Variants in MEIG1 observed in about 807,000 individuals in gnomAD.
The protein encoded by MEIG1 is meiosis/spermiogenesis associated 1.
In MEIG1, 12 loss-of-function variants were observed where a neutral mutation model predicts 11.3. The ratio of observed to expected loss-of-function variants is 1.07; its 90% CI spans 0.68 to 1.73. The LOEUF (loss-of-function observed/expected upper bound fraction) is 1.73, where lower values mean the gene tolerates loss of function less well. Among genes scored for constraint, MEIG1 ranks in the 40% most tolerant of loss-of-function variants. MEIG1 has a pLI of 0.00. For missense variants in MEIG1, 119 were observed against 104.9 expected (o/e 1.13, Z -0.59); for synonymous variants, 41 against 33.2 (o/e 1.24, Z -0.81).
In MEIG1 at chr10:14,966,616, C is replaced by T; in HGVS notation, c.138+10C>T. On this transcript the variant is annotated intron_variant, in intron 2 of 2. Coordinates refer to ENST00000407572, the MANE Select transcript of MEIG1 (RefSeq NM_001080836.3). ...GAAACAAGTTTCTATGGTAAGATTT[C>T]TGTCTCTACAAACCTCAACTCGAAA... 1 of 1,606,152 alleles carries T rather than the reference C, an allele frequency of 6.2e-7. No homozygotes were observed. The highest frequency in any genetic ancestry group is 8.5e-7 in the Non-Finnish European group (1 of 1,177,184).
Position 14,981,429 on chromosome 10 carries a change from G to A in MEIG1, n.67-5367G>A, listed in dbSNP as rs148635055. Among the ~76,000 whole-genome samples the A allele has an allele frequency of 6.1e-3, 930 of 152,268 alleles. 13 individuals carry two copies. The highest frequency in any genetic ancestry group is 0.021 in the African/African-American group (886 of 41,560). On this transcript the variant is annotated intron_variant and non_coding_transcript_variant, in intron 1 of 2. Transcript: ENST00000467536. ...CTGGCATGTACAAAAACTGATGAATGACTTGATGTCCTCCTACAGTACAAG... is the reference window on the plus strand; with the variant it reads ...CTGGCATGTACAAAAACTGATGAATAACTTGATGTCCTCCTACAGTACAAG...
upstream of MEIG1, among the ~76,000 whole-genome samples, chr10:14,957,679 G>C (rs1842965796): frequency 6.6e-6 from 1 of 152,122 alleles, no homozygotes; most frequent in African/African-American, 2.4e-5. Flanking sequence ...CTATGCCCAG[G>C]CTGGAGTGCA....
At chr10:14,987,699 G>T (rs190513760) in intron 2 of MEIG1, 1 of 294,028 alleles carries the variant, frequency 3.4e-6, no homozygotes, top group Non-Finnish European at 6.4e-6. Flanking sequence ...CCAAAACGTC[G>T]TATATAACAA....
At chr10:14,957,139 A>T (rs1043809018), upstream of MEIG1, among the ~76,000 whole-genome samples, 2 of 152,218 alleles carry the variant, frequency 1.3e-5, no homozygotes, top group Non-Finnish European at 1.5e-5. Context: ...TCTACCATTT[A>T]TGTAGTTCCA....
downstream of MEIG1, among the ~76,000 whole-genome samples, chr10:14,974,173 C>A (rs1843186088): frequency 6.6e-6 from 1 of 152,102 alleles, no homozygotes; most frequent in Non-Finnish European, 1.5e-5. Flanking sequence ...CATGTGGGTC[C>A]ATCTGGGGGT....
upstream of MEIG1, among the ~76,000 whole-genome samples, chr10:14,956,728 G>C (rs139630290): frequency 6.6e-6 from 1 of 152,162 alleles, no homozygotes; most frequent in Admixed American, 6.6e-5. Context: ...CTGTGTATCA[G>C]ACACTATTTT....
At chr10:14,960,822 T>A (rs1181925041) in intron 1 of MEIG1, among the ~76,000 whole-genome samples, 1 of 151,876 alleles carries the variant, frequency 6.6e-6, no homozygotes, top group Non-Finnish European at 1.5e-5. Flanking sequence ...AGGTCGGGAA[T>A]TCGAGACCAG....
Position 14,982,984 on chromosome 10 carries a change from CTTAATA to C in MEIG1, n.67-3797_67-3792del, listed in dbSNP as rs963902398. ...GAGCACTTTTTATGAGCAATTATTTCTTAATATTAATATTAATATTGGTAATAGATA... is the reference window on the plus strand; with the variant it reads ...GAGCACTTTTTATGAGCAATTATTTCTTAATATTAATATTGGTAATAGATA... On this transcript the variant is annotated intron_variant and non_coding_transcript_variant, in intron 1 of 2. Coordinates refer to the MEIG1 transcript ENST00000467536. Among the ~76,000 whole-genome samples, 26 of 152,040 alleles carry C rather than the reference CTTAATA, an allele frequency of 1.7e-4. No homozygotes were observed. In the East Asian group the frequency reaches 2.3e-3, roughly 14 times the overall value.
In MEIG1 at chr10:14,964,740, T is replaced by G. The variant is rs374067466; in HGVS notation, c.-29-1700T>G. Reference sequence around the variant, plus strand: ...TTCAAGCGATTCTCAAGCCTCAGCCTCCCAAGTAGCTGTGATTGCAGGCAC... The same window carrying G: ...TTCAAGCGATTCTCAAGCCTCAGCCGCCCAAGTAGCTGTGATTGCAGGCAC... On this transcript the variant is annotated intron_variant, in intron 1 of 2. Transcript: ENST00000407572. 2.8e-4 allele frequency among the ~76,000 whole-genome samples: 38 copies of G among 137,844 alleles called. No homozygotes were observed. The East Asian group carries it at 6.4e-3, about 23-fold the overall frequency. The allele number at this position is 137,844 out of a possible 152,430, so 90.4% of individuals were successfully genotyped here.
At chr10:14,968,234 T>C (rs1048981729) in intron 2 of MEIG1, among the ~76,000 whole-genome samples, 2 of 152,196 alleles carry the variant, frequency 1.3e-5, no homozygotes, top group Admixed American at 1.3e-4. Flanking sequence ...ACGCCTGCAA[T>C]CCCAGCCCTT....
intron 2 of MEIG1, among the ~76,000 whole-genome samples, chr10:14,970,892 G>T (rs539839733): frequency 6.6e-6 from 1 of 152,226 alleles, no homozygotes; most frequent in East Asian, 1.9e-4. Context: ...GCAGGATTTG[G>T]TTTTCTACAA....
chr10:14,959,602 C>G (rs1039206848), intron 1 of MEIG1, 45 bp downstream of exon 1: 1 of 152,580 alleles, frequency 6.6e-6, no homozygotes, highest in African/African-American at 2.4e-5. Flanking sequence ...CCCGCCAACC[C>G]CTGCGCCCCG....
chr10:14,968,694 T>C (rs1843116046), intron 2 of MEIG1, among the ~76,000 whole-genome samples: 1 of 152,188 alleles, frequency 6.6e-6, no homozygotes, highest in South Asian at 2.1e-4. Flanking sequence ...CATTATACTC[T>C]ATCCCCATTG....
chr10:14,987,300 T>G (rs1449210269), intron 2 of MEIG1: 28 of 798,964 alleles, frequency 3.5e-5, no homozygotes, highest in Non-Finnish European at 2.2e-5. Flanking sequence ...GCCAGGATGC[T>G]GAGCAGGTTC....
chr10:14,971,236 T>TAATAATAATAAC lies in MEIG1; in HGVS notation c.139-1275_139-1274insTAATAATAACAA, dbSNP rs1554806491. Among the ~76,000 whole-genome samples the TAATAATAATAAC allele has an allele frequency of 7.7e-3, 1,135 of 148,212 alleles. 8 individuals are homozygous for TAATAATAATAAC. Among genetic ancestry groups the TAATAATAATAAC allele is most frequent in the African/African-American group, 0.013 (511 of 40,414 alleles). On this transcript the variant is annotated intron_variant, in intron 2 of 2. Transcript: ENST00000407572. ...ATAATGATAATAATAATAATAATAA[T>TAATAATAATAAC]AACAACAATAAAGAATGGTAGAAGA...
chr10:14,965,865 G>GA (rs1843077008), intron 1 of MEIG1, among the ~76,000 whole-genome samples: 1 of 151,882 alleles, frequency 6.6e-6, no homozygotes, highest in African/African-American at 2.4e-5. Context: ...ACTCTGACTG[G>GA]GATTTTATTG....
rs10673663 is a variant in MEIG1, at chr10:14,966,066, C to CTTTTTTTTTT, written c.-29-368_-29-359dup. 9.9e-4 allele frequency among the ~76,000 whole-genome samples: 118 copies of CTTTTTTTTTT among 118,686 alleles called. 1 individual carries two copies. The highest frequency in any genetic ancestry group is 1.2e-3 in the Non-Finnish European group (71 of 59,894). The allele number at this position is 118,686 out of a possible 152,430, so 77.9% of individuals were successfully genotyped here. A position where few individuals can be genotyped will look rare whatever the true frequency, so the allele number is the denominator to read the frequency against. Reference sequence around the variant, plus strand: ...TTTTTAAGTGTTAGTTTTATTTATTCTTTTTTTTTTTTTTTGAGATGGAGT... The same window carrying CTTTTTTTTTT: ...TTTTTAAGTGTTAGTTTTATTTATTCTTTTTTTTTTTTTTTTTTTTTTTTTGAGATGGAGT... On this transcript the variant is annotated intron_variant, in intron 1 of 2. Transcript: ENST00000407572.
chr10:14,965,125 C>T (rs183296191), intron 1 of MEIG1, among the ~76,000 whole-genome samples: 13 of 152,016 alleles, frequency 8.6e-5, no homozygotes, highest in African/African-American at 2.2e-4. Context: ...ACCTTTTAAA[C>T]ATAATGAGCA....
chr10:14,966,655 T>C (rs755982028), intron 2 of MEIG1, 49 bp downstream of exon 2: 1 of 1,544,662 alleles, frequency 6.5e-7, no homozygotes, highest in Non-Finnish European at 8.8e-7. Context: ...ATTTCTCAGA[T>C]GCTGAAAAGT....
Sources: gnomAD v4.1 joint callset for allele counts (sites outside exome capture counted in the v4.1 genomes callset) on GRCh38, gnomAD v4.1.1 for gene constraint, MANE v1.5 for transcripts, NCBI Gene and HGNC (gene_info 2026-07-23, HGNC 2026-07-21) for gene names.